The following GALNT17 variants were observed in gnomAD, a reference collection of about 807,000 sequenced individuals.
GALNT17 encodes the protein UDP-GalNAc:polypeptide N-acetylgalactosaminyltransferase-like 3.
Under a neutral mutation model 63.7 loss-of-function variants are expected in GALNT17, and 29 were observed. The observed-to-expected ratio is 0.46, with a 90% CI of 0.34 to 0.62. The LOEUF is 0.62. GALNT17 is among the 20% of genes least tolerant of loss of function. The pLI is 0.01. For missense variants in GALNT17, 603 were observed against 799.6 expected (o/e 0.75, Z 2.97); for synonymous variants, 305 against 318.3 (o/e 0.96, Z 0.45).
At chr7:71,250,718 G>C (rs1263330814) in intron 1 of GALNT17, among the ~76,000 whole-genome samples, 1 of 152,114 alleles carries the variant, frequency 6.6e-6, no homozygotes, top group Non-Finnish European at 1.5e-5. Context: ...GCACCAACCC[G>C]ATCATTGACT....
chr7:71,379,852 C>A (rs981456580), intron 2 of GALNT17, among the ~76,000 whole-genome samples: 9 of 152,034 alleles, frequency 5.9e-5, no homozygotes, highest in African/African-American at 2.2e-4. Context: ...GAGCTGTAGA[C>A]TTGCATGAGG....
intron 5 of GALNT17, among the ~76,000 whole-genome samples, chr7:71,556,719 C>T (rs1207853282): frequency 6.6e-6 from 1 of 151,796 alleles, no homozygotes; most frequent in Admixed American, 6.6e-5. Flanking sequence ...GCCACCACAC[C>T]CAGCTATTTT....
intron 5 of GALNT17, among the ~76,000 whole-genome samples, chr7:71,475,123 G>A (rs1454704135): frequency 1.3e-5 from 2 of 152,200 alleles, no homozygotes; most frequent in African/African-American, 4.8e-5. Flanking sequence ...CCTCCAGAAT[G>A]TGAGAGAATC....
At chr7:71,672,553 CAAGTT>C (rs1371655637) in intron 8 of GALNT17, among the ~76,000 whole-genome samples, 1 of 150,908 alleles carries the variant, frequency 6.6e-6, no homozygotes, top group African/African-American at 2.5e-5. Flanking sequence ...ATAAGCTTTG[CAAGTT>C]AAGTTAATTT....
chr7:71,272,959 G>A (rs958055642), intron 1 of GALNT17, among the ~76,000 whole-genome samples: 2 of 144,674 alleles, frequency 1.4e-5, no homozygotes, highest in African/African-American at 5.8e-5. Context: ...GTTCAATTCA[G>A]AGAAGAAAGA....
chr7:71,222,913 AC>A (rs1309465755), intron 1 of GALNT17, among the ~76,000 whole-genome samples: 2 of 151,160 alleles, frequency 1.3e-5, no homozygotes, highest in East Asian at 3.9e-4. Context: ...TCTACAAAAA[AC>A]CCCCCAAAAT....
intron 5 of GALNT17, among the ~76,000 whole-genome samples, chr7:71,540,489 G>C (rs1788871434): frequency 6.6e-6 from 1 of 152,056 alleles, no homozygotes; most frequent in Non-Finnish European, 1.5e-5. Flanking sequence ...AGCACCTACT[G>C]TGTGTCCCCG....
At chr7:71,215,022 T>G (rs952138229) in intron 1 of GALNT17, among the ~76,000 whole-genome samples, 1 of 152,234 alleles carries the variant, frequency 6.6e-6, no homozygotes, top group Non-Finnish European at 1.5e-5. Context: ...ACCAATTCTG[T>G]TTTGGACTGC....
rs151325871 is a variant in GALNT17 at position 71,676,451 on chromosome 7, A to G, written c.1405-760A>G. On this transcript the variant is annotated intron_variant, in intron 8 of 10. Coordinates refer to ENST00000333538, the MANE Select transcript of GALNT17 (RefSeq NM_022479.3). ...CAGGCTGGAGTGAAGTGGTGCAATC[A>G]TAGCTCACTGCAGCCTGGAACTCCT... is the stretch of plus-strand genomic sequence containing the variant. Among the ~76,000 whole-genome samples the G allele has an allele frequency of 2.4e-3, 365 of 151,766 alleles. 4 individuals are homozygous for G. The highest frequency in any genetic ancestry group is 8.5e-3 in the African/African-American group (353 of 41,360).
At chr7:71,327,350 CAA>C (rs897077348) in intron 1 of GALNT17, among the ~76,000 whole-genome samples, 5 of 152,140 alleles carry the variant, frequency 3.3e-5, no homozygotes, top group Non-Finnish European at 5.9e-5. Context: ...TGGCAGCAGA[CAA>C]GAGAGAATGA....
chr7:71,568,245 A>G (rs1459516423), intron 5 of GALNT17, among the ~76,000 whole-genome samples: 1 of 152,154 alleles, frequency 6.6e-6, no homozygotes, highest in Non-Finnish European at 1.5e-5. Flanking sequence ...GCTGAGTTCT[A>G]TTCTGTGACT....
intron 1 of GALNT17, among the ~76,000 whole-genome samples, chr7:71,332,287 AT>A (rs1226297229): frequency 1.3e-5 from 2 of 151,522 alleles, no homozygotes; most frequent in Non-Finnish European, 2.9e-5. Flanking sequence ...TGTTCCTTGG[AT>A]TTGGGGAAAA....
chr7:71,168,700 CGTGTATGTGT>C (rs1788490941), intron 1 of GALNT17, among the ~76,000 whole-genome samples: 1 of 83,274 alleles, frequency 1.2e-5, no homozygotes, highest in Non-Finnish European at 2.2e-5. Flanking sequence ...CACATAGTTA[CGTGTATGTGT>C]GTGTGTGTGT....
At chr7:71,662,564 C>T (rs565503684) in intron 6 of GALNT17, among the ~76,000 whole-genome samples, 1 of 152,266 alleles carries the variant, frequency 6.6e-6, no homozygotes, top group South Asian at 2.1e-4. Flanking sequence ...AGCCCCCTGC[C>T]CACCACCTCC....
intron 9 of GALNT17, among the ~76,000 whole-genome samples, chr7:71,705,929 G>A (rs1272450564): frequency 5.9e-5 from 9 of 152,186 alleles, no homozygotes. Flanking sequence ...CAAGGAAGGA[G>A]CATGAGGGAT....
Position 71,133,169 on chromosome 7 carries a change from T to C in GALNT17, c.238+129T>C, listed in dbSNP as rs532058890. The stretch of plus-strand genomic sequence containing the variant: ...CACCCTGGCTCCCGCGCGCTCCTTC[T>C]TACCCTTCCTGCCCCGTTTCGGGCA... On this transcript the variant is annotated intron_variant, in intron 1 of 10. Transcript: ENST00000333538. 7 of 775,228 alleles carry C rather than the reference T, an allele frequency of 9.0e-6. No homozygotes were observed. In the African/African-American group the frequency reaches 9.3e-5, roughly 10 times the overall value. The allele number at this position is 775,228 out of a possible 1,614,324, so 48.0% of individuals were successfully genotyped here. A position where few individuals can be genotyped will look rare whatever the true frequency, so the allele number is the denominator to read the frequency against.
chr7:71,249,441 T>C (rs1562947025), intron 1 of GALNT17, among the ~76,000 whole-genome samples: 1 of 152,210 alleles, frequency 6.6e-6, no homozygotes, highest in East Asian at 1.9e-4. Context: ...CCTGCATATA[T>C]GTTTAATTAT....
chr7:71,669,783 A>G (rs525809), intron 7 of GALNT17, among the ~76,000 whole-genome samples, 189 bp from the exon 8 acceptor site: 149,604 of 151,962 alleles, frequency 0.98, 73,668 homozygotes, highest in East Asian at 1. Context: ...GGCTGGTCTC[A>G]AACTCCTGAC....
chr7:71,638,967 A>G (rs1231438710), intron 6 of GALNT17, among the ~76,000 whole-genome samples: 3 of 152,124 alleles, frequency 2.0e-5, no homozygotes, highest in Non-Finnish European at 2.9e-5. Context: ...GGAGATAAGG[A>G]TGGTTAATGG....
Sources: gnomAD v4.1 joint callset for allele counts (sites outside exome capture counted in the v4.1 genomes callset) on GRCh38, gnomAD v4.1.1 for gene constraint, MANE v1.5 for transcripts, NCBI Gene and HGNC (gene_info 2026-07-23, HGNC 2026-07-21) for gene names.